Variants in GRM1 observed in about 807,000 individuals in gnomAD.
The protein encoded by GRM1 is glutamate metabotropic receptor 1.
Under a neutral mutation model 90.9 loss-of-function variants are expected in GRM1, and 33 were observed. The observed-to-expected ratio is 0.36, with a 90% CI of 0.28 to 0.49. The LOEUF is 0.49. Among genes scored for constraint, GRM1 ranks in the 20% least tolerant of loss-of-function variants. The pLI is 0.99. For synonymous variants in GRM1, 700 were observed against 613.2 expected (o/e 1.14, Z -2.09); for missense variants, 1,190 against 1,534.3 (o/e 0.78, Z 3.75).
intron 7 of GRM1, among the ~76,000 whole-genome samples, chr6:146,403,055 AC>A (rs1287245147): frequency 1.3e-5 from 2 of 152,082 alleles, no homozygotes; most frequent in Admixed American, 1.3e-4. Flanking sequence ...AATATGCAGG[AC>A]TCAGTAGACT....
At chr6:146,365,683 C>A (rs964964924) in intron 5 of GRM1, among the ~76,000 whole-genome samples, 1 of 152,130 alleles carries the variant, frequency 6.6e-6, no homozygotes, top group Non-Finnish European at 1.5e-5. Context: ...TCCCCTCTGC[C>A]TAGAACACTC....
chr6:146,373,106 T>A (rs1775963700), intron 5 of GRM1, among the ~76,000 whole-genome samples: 1 of 152,170 alleles, frequency 6.6e-6, no homozygotes, highest in South Asian at 2.1e-4. Context: ...AACATAAAAA[T>A]TTTTCAATTT....
At chr6:146,137,167 A>T (rs1296665296) in intron 1 of GRM1, among the ~76,000 whole-genome samples, 1 of 152,096 alleles carries the variant, frequency 6.6e-6, no homozygotes, top group Admixed American at 6.5e-5. Flanking sequence ...AAGCTTTTTA[A>T]GTTGATGTAT....
intron 2 of GRM1, among the ~76,000 whole-genome samples, chr6:146,226,453 C>G (rs76802602): frequency 4.3e-4 from 65 of 152,266 alleles, no homozygotes; most frequent in African/African-American, 1.5e-3. Context: ...CTTTAGCTAT[C>G]TGAGCAAGTA....
At chr6:146,241,556 C>T (rs1450696295) in intron 2 of GRM1, among the ~76,000 whole-genome samples, 1 of 152,090 alleles carries the variant, frequency 6.6e-6, no homozygotes, top group Non-Finnish European at 1.5e-5. Context: ...GGTTGCCAAG[C>T]AGTCCCTCTT....
intron 7 of GRM1, among the ~76,000 whole-genome samples, chr6:146,410,685 A>C (rs1256504733): frequency 6.6e-6 from 1 of 152,242 alleles, no homozygotes; most frequent in African/African-American, 2.4e-5. Flanking sequence ...GAAGGAGATT[A>C]AGAAAGAGGG....
At chr6:146,286,038 A>G (rs1431793129) in intron 2 of GRM1, among the ~76,000 whole-genome samples, 1 of 152,202 alleles carries the variant, frequency 6.6e-6, no homozygotes, top group Non-Finnish European at 1.5e-5. Flanking sequence ...CCTTTAGAAC[A>G]TTCAAACTAA....
chr6:146,389,810 C>T (rs1173442290), intron 6 of GRM1, among the ~76,000 whole-genome samples: 2 of 152,040 alleles, frequency 1.3e-5, no homozygotes, highest in African/African-American at 4.8e-5. Context: ...ATAGATTCCT[C>T]ATTCTAATTT....
chr6:146,051,819 C>A (rs1261493876), intron 1 of GRM1, among the ~76,000 whole-genome samples: 1 of 151,980 alleles, frequency 6.6e-6, no homozygotes, highest in Admixed American at 6.6e-5. Flanking sequence ...TACTGTTTCC[C>A]AAGCACCCTT....
chr6:146,108,444 G>T (rs1273826170), intron 1 of GRM1, among the ~76,000 whole-genome samples: 1 of 152,166 alleles, frequency 6.6e-6, no homozygotes, highest in African/African-American at 2.4e-5. Flanking sequence ...CCCTCCACAA[G>T]CTCTCTTTTC....
chr6:146,192,346 C>T (rs1475632815), intron 2 of GRM1, among the ~76,000 whole-genome samples: 1 of 151,104 alleles, frequency 6.6e-6, no homozygotes, highest in Non-Finnish European at 1.5e-5. Context: ...AAAATGTTAC[C>T]CTGGTTAAAG....
intron 1 of GRM1, among the ~76,000 whole-genome samples, chr6:146,071,136 G>A (rs1440969181): frequency 6.6e-6 from 1 of 152,038 alleles, no homozygotes; most frequent in Non-Finnish European, 1.5e-5. Flanking sequence ...TACATTGACA[G>A]GAATTTCTTG....
intron 6 of GRM1, among the ~76,000 whole-genome samples, chr6:146,387,395 A>T (rs1167937462): frequency 6.6e-6 from 1 of 152,088 alleles, no homozygotes; most frequent in African/African-American, 2.4e-5. Context: ...TAAATGTCCC[A>T]GCTTTTATTT....
At chr6:146,222,828 A>C (rs917988690) in intron 2 of GRM1, among the ~76,000 whole-genome samples, 8 of 152,136 alleles carry the variant, frequency 5.3e-5, no homozygotes, top group Non-Finnish European at 8.8e-5. Context: ...AGAATGAGAT[A>C]ATTGGAAGGT....
At chr6:146,184,519 CAG>C (rs1022985018) in intron 2 of GRM1, among the ~76,000 whole-genome samples, 8 of 152,086 alleles carry the variant, frequency 5.3e-5, no homozygotes, top group Non-Finnish European at 7.4e-5. Context: ...CTCCTTGAAT[CAG>C]AGTTTCGTTA....
intron 1 of GRM1, among the ~76,000 whole-genome samples, chr6:146,054,668 T>G (rs1474472122): frequency 6.6e-6 from 1 of 152,120 alleles, no homozygotes; most frequent in Non-Finnish European, 1.5e-5. Context: ...TAGACGGTTG[T>G]TAGACTCCAA....
intron 3 of GRM1, among the ~76,000 whole-genome samples, chr6:146,321,104 T>C (rs1216421288): frequency 6.6e-6 from 1 of 152,164 alleles, no homozygotes; most frequent in Non-Finnish European, 1.5e-5. Context: ...CCCATGTGCA[T>C]AATTAGTGCT....
intron 2 of GRM1, among the ~76,000 whole-genome samples, chr6:146,286,639 G>A (rs1030785495): frequency 1.4e-4 from 21 of 152,118 alleles, no homozygotes; most frequent in African/African-American, 5.1e-4. Context: ...CAACTGAAAG[G>A]GCTTCATGTT....
chr6:146,303,530 T>C (rs1300840379), intron 2 of GRM1, among the ~76,000 whole-genome samples: 1 of 152,206 alleles, frequency 6.6e-6, no homozygotes, highest in Non-Finnish European at 1.5e-5. Flanking sequence ...AAGGAAGTTT[T>C]ACTGAATGAC....
Sources: gnomAD v4.1 joint callset for allele counts (sites outside exome capture counted in the v4.1 genomes callset) on GRCh38, gnomAD v4.1.1 for gene constraint, MANE v1.5 for transcripts, NCBI Gene and HGNC (gene_info 2026-07-23, HGNC 2026-07-21) for gene names.